Variants in ZNRF3 observed in about 807,000 individuals in gnomAD.
ZNRF3 encodes the protein zinc and ring finger 3.
A neutral mutation model predicts 72.5 loss-of-function variants in ZNRF3; 23 were observed. That is an observed-to-expected ratio of 0.32 (90% confidence interval 0.23 to 0.45). The LOEUF (loss-of-function observed/expected upper bound fraction) is 0.45. Among genes scored for constraint, ZNRF3 ranks in the 20% least tolerant of loss-of-function variants. The pLI, the probability that ZNRF3 is intolerant of heterozygous loss-of-function variation, is 1.00. For synonymous variants in ZNRF3, 610 were observed against 545.3 expected, an observed-to-expected ratio of 1.12 and a Z score of -1.65; for missense variants, 1,169 against 1,272.1, an observed-to-expected ratio of 0.92 and a Z score of 1.23.
chr22:28,904,581 G>C (rs1215739543), intron 1 of ZNRF3, among the ~76,000 whole-genome samples: 1 of 152,136 alleles, frequency 6.6e-6, no homozygotes, highest in African/African-American at 2.4e-5. Flanking sequence ...GATCATTTCA[G>C]TGTGTGCTTT....
Position 29,030,373 on chromosome 22 carries a change from T to A in ZNRF3, c.427-12122T>A, listed in dbSNP as rs1244302867. ...GTCGGGTACCTTTAATTAGGAGAAATTAAGTGGGGCTGCTACATATTTTGA... is the reference window on the plus strand; with the variant it reads ...GTCGGGTACCTTTAATTAGGAGAAAATAAGTGGGGCTGCTACATATTTTGA... On this transcript the variant is annotated intron_variant, in intron 2 of 8. Coordinates refer to ENST00000544604, the MANE Select transcript of ZNRF3 (RefSeq NM_001206998.2). The surrounding 1 kb of genome is among the most constrained non-coding windows in gnomAD (Gnocchi z 4.2). 1.3e-5 allele frequency among the ~76,000 whole-genome samples: 2 copies of A among 152,274 alleles called. No individual in the cohort carries two copies. Among genetic ancestry groups the A allele is most frequent in the Admixed American group, 1.3e-4 (2 of 15,302 alleles).
intron 2 of ZNRF3, among the ~76,000 whole-genome samples, chr22:28,988,663 C>A (rs1250096291): frequency 6.6e-6 from 1 of 152,138 alleles, no homozygotes; most frequent in Non-Finnish European, 1.5e-5. Flanking sequence ...AGAGCAATGA[C>A]CCCCTTGAGA....
chr22:29,040,046 TC>T (rs2036933526), intron 2 of ZNRF3, among the ~76,000 whole-genome samples: 2 of 152,144 alleles, frequency 1.3e-5, no homozygotes, highest in Admixed American at 6.5e-5. Context: ...CATCCTCTCT[TC>T]CTGGAGGAGG....
chr22:29,009,230 G>C (rs929422964), intron 2 of ZNRF3, among the ~76,000 whole-genome samples: 1 of 152,178 alleles, frequency 6.6e-6, no homozygotes, highest in African/African-American at 2.4e-5. Context: ...GGCTGGGTTT[G>C]GGGGAGGGAA....
chr22:28,977,375 G>C (rs1685110215), intron 1 of ZNRF3, among the ~76,000 whole-genome samples: 1 of 152,118 alleles, frequency 6.6e-6, no homozygotes, highest in Admixed American at 6.5e-5. Flanking sequence ...AAAGGTTTAG[G>C]CTCTTTGTTC....
rs535225898 is a variant in ZNRF3 at position 28,936,881 on chromosome 22, G to A, written c.301-50195G>A. ...GTCCAAGGAGTCTCAGAATGTAGTA[G>A]GAGGGGAAGAAGCTGGGGATTATAT... is the stretch of plus-strand genomic sequence containing the variant. On this transcript the variant is annotated intron_variant, in intron 1 of 8. Coordinates refer to ENST00000544604, the MANE Select transcript of ZNRF3 (RefSeq NM_001206998.2). Among the ~76,000 whole-genome samples, 9 of 152,230 alleles carry A rather than the reference G, an allele frequency of 5.9e-5. No homozygotes were observed. The South Asian group carries it at 1.7e-3, about 28-fold the overall frequency.
chr22:28,997,331 C>T (rs184829579), intron 2 of ZNRF3, among the ~76,000 whole-genome samples: 2 of 148,758 alleles, frequency 1.3e-5, no homozygotes, highest in Non-Finnish European at 3.0e-5. Flanking sequence ...TGTTTCCAAA[C>T]GGGGGCAATT....
chr22:28,908,138 T>G (rs2034246892), intron 1 of ZNRF3, among the ~76,000 whole-genome samples: 1 of 152,226 alleles, frequency 6.6e-6, no homozygotes, highest in Non-Finnish European at 1.5e-5. Flanking sequence ...TAAAACTAGC[T>G]TCTGTTCAGC....
chr22:28,910,557 C>T (rs1442368782), intron 1 of ZNRF3, among the ~76,000 whole-genome samples: 1 of 152,142 alleles, frequency 6.6e-6, no homozygotes. Flanking sequence ...TTAATGTCCT[C>T]TTATTTTCTG....
intron 1 of ZNRF3, among the ~76,000 whole-genome samples, chr22:28,951,061 T>C (rs934224439): frequency 5.3e-5 from 8 of 152,212 alleles, no homozygotes; most frequent in African/African-American, 1.9e-4. Context: ...TTAAAAAAAT[T>C]ATTCATTTAA....
intron 2 of ZNRF3, among the ~76,000 whole-genome samples, chr22:29,023,269 C>G (rs2036570157): frequency 6.6e-6 from 1 of 152,138 alleles, no homozygotes; most frequent in South Asian, 2.1e-4. Flanking sequence ...GAAGTCGGGG[C>G]AGGGTTGACA....
intron 1 of ZNRF3, among the ~76,000 whole-genome samples, chr22:28,887,231 AGAGAGT>A (rs57400083): frequency 0.11 from 11,888 of 111,650 alleles, 584 homozygotes; most frequent in East Asian, 0.29. Flanking sequence ...AGAGAGAGAG[AGAGAGT>A]GTGTGTGTGT....
chr22:28,885,343 T>C (rs560777142), intron 1 of ZNRF3, among the ~76,000 whole-genome samples: 4 of 152,164 alleles, frequency 2.6e-5, no homozygotes, highest in African/African-American at 9.7e-5. Flanking sequence ...TACCGGGCTC[T>C]TATCCCCATC....
intron 1 of ZNRF3, among the ~76,000 whole-genome samples, chr22:28,985,561 A>C (rs964437833): frequency 6.6e-6 from 1 of 152,174 alleles, no homozygotes; most frequent in African/African-American, 2.4e-5. Flanking sequence ...TAAGGATTTT[A>C]TCTCTTAGTC....
intron 1 of ZNRF3, among the ~76,000 whole-genome samples, chr22:28,901,635 C>CTTTTT (rs132532): frequency 2.7e-5 from 2 of 74,822 alleles, no homozygotes; most frequent in African/African-American, 9.7e-5. Flanking sequence ...ATGGATGGAC[C>CTTTTT]TTTTTTTTTT....
rs995039124 is a variant in ZNRF3 at position 29,030,197 on chromosome 22, T to G, written c.427-12298T>G. Reference sequence around the variant, plus strand: ...CAGGTGTTAAAACAAAGAGGATCATTGTGTTTCTTGGAACTGGCCTAAACG... The same window carrying G: ...CAGGTGTTAAAACAAAGAGGATCATGGTGTTTCTTGGAACTGGCCTAAACG... On this transcript the variant is annotated intron_variant, in intron 2 of 8. Transcript: ENST00000544604. This position sits in a 1 kb window ranked among gnomAD's most constrained non-coding sequence, Gnocchi z 4.2. Among the ~76,000 whole-genome samples, 2 of 152,160 alleles carry G rather than the reference T, an allele frequency of 1.3e-5. No homozygotes were observed. The highest frequency in any genetic ancestry group is 4.8e-5 in the African/African-American group (2 of 41,420).
intron 2 of ZNRF3, among the ~76,000 whole-genome samples, chr22:29,016,360 G>C (rs2036437822): frequency 6.6e-6 from 1 of 152,200 alleles, no homozygotes; most frequent in African/African-American, 2.4e-5. Flanking sequence ...AAGGAAACAA[G>C]GCTTTGCTGG....
intron 1 of ZNRF3, among the ~76,000 whole-genome samples, chr22:28,905,253 A>G (rs972638020): frequency 6.6e-6 from 1 of 152,054 alleles, no homozygotes; most frequent in African/African-American, 2.4e-5. Context: ...GTGTCTCTTT[A>G]TGGATGACCA....
intron 2 of ZNRF3, among the ~76,000 whole-genome samples, chr22:28,998,173 C>T (rs1358783907): frequency 6.6e-6 from 1 of 151,836 alleles, no homozygotes; most frequent in African/African-American, 2.4e-5. Context: ...GTGGCGGGCA[C>T]CTGTAATCCC....
Sources: gnomAD v4.1 joint callset for allele counts (sites outside exome capture counted in the v4.1 genomes callset) on GRCh38, gnomAD v4.1.1 for gene constraint, Gnocchi (gnomAD v3.1) non-coding constraint, MANE v1.5 for transcripts, NCBI Gene and HGNC (gene_info 2026-07-23, HGNC 2026-07-21) for gene names.